Variants in CDH18 observed in about 807,000 individuals in gnomAD.
CDH18 encodes the protein cadherin-18.
A neutral mutation model predicts 67.9 loss-of-function variants in CDH18; 31 were observed. The ratio of observed to expected loss-of-function variants is 0.46; its 90% CI spans 0.34 to 0.62. The LOEUF (loss-of-function observed/expected upper bound fraction) is 0.62. Ranked by LOEUF, CDH18 falls within the 20% of genes least tolerant of loss-of-function variation. The pLI is 0.01. For missense variants in CDH18, 890 were observed against 975.5 expected, an observed-to-expected ratio of 0.91 and a Z score of 1.17; for synonymous variants, 362 against 347.2, an observed-to-expected ratio of 1.04 and a Z score of -0.48.
intron 5 of CDH18, among the ~76,000 whole-genome samples, chr5:19,633,407 A>G (rs1378240963): frequency 6.6e-6 from 1 of 152,210 alleles, no homozygotes; most frequent in African/African-American, 2.4e-5. Flanking sequence ...CAGAATACAA[A>G]TAAGTACAGA....
chr5:20,368,899 A>G (rs1742741020), intron 1 of CDH18, among the ~76,000 whole-genome samples: 1 of 152,154 alleles, frequency 6.6e-6, no homozygotes, highest in Admixed American at 6.5e-5. Context: ...ATGATGTTCT[A>G]CGTTCTCCTG....
chr5:20,146,881 C>G (rs911693968), intron 2 of CDH18, among the ~76,000 whole-genome samples: 7 of 151,990 alleles, frequency 4.6e-5, no homozygotes, highest in African/African-American at 1.7e-4. Context: ...GACAGACTCT[C>G]ATTTCTACAT....
chr5:19,501,883 G>T (rs1743313566), intron 11 of CDH18, among the ~76,000 whole-genome samples: 1 of 152,092 alleles, frequency 6.6e-6, no homozygotes, highest in Non-Finnish European at 1.5e-5. Flanking sequence ...AAGACAGCCT[G>T]TTCTAATGTA....
chr5:19,697,531 CAA>C (rs773535577), intron 5 of CDH18, among the ~76,000 whole-genome samples: 6 of 151,986 alleles, frequency 3.9e-5, no homozygotes, highest in Admixed American at 1.3e-4. Flanking sequence ...TTATTTTATG[CAA>C]AGTTTACACA....
chr5:19,844,102 G>A (rs916863848), intron 2 of CDH18, among the ~76,000 whole-genome samples: 1 of 152,158 alleles, frequency 6.6e-6, no homozygotes, highest in African/African-American at 2.4e-5. Flanking sequence ...TTGGACATTT[G>A]AGTTAATTCT....
rs546385775 is a variant in CDH18 at position 20,337,033 on chromosome 5, C to T, written c.-579-81528G>A. Among the ~76,000 whole-genome samples, 7 of 152,298 alleles carry T rather than the reference C, an allele frequency of 4.6e-5. No individual in the cohort carries two copies. In the South Asian group the frequency reaches 6.2e-4, roughly 14 times the overall value. ...CCATTTGGGCAAAGCCCATAGAAGA[C>T]TTCCTGGCTTCTGCCACATAAAAGA... On this transcript the variant is annotated intron_variant, in intron 1 of 14. Transcript: ENST00000507958.
intron 1 of CDH18, among the ~76,000 whole-genome samples, chr5:20,498,655 C>T (rs2126425022): frequency 6.6e-6 from 1 of 152,112 alleles, no homozygotes; most frequent in African/African-American, 2.4e-5. Context: ...ACATATTTCA[C>T]TTTAATTTCT....
chr5:20,542,111 A>G (rs1757081516), intron 1 of CDH18, among the ~76,000 whole-genome samples: 1 of 152,038 alleles, frequency 6.6e-6, no homozygotes, highest in Admixed American at 6.6e-5. Flanking sequence ...ACGCCTAGCT[A>G]ATTTTTGTAT....
intron 2 of CDH18, among the ~76,000 whole-genome samples, chr5:19,877,692 T>C (rs2150045350): frequency 6.6e-6 from 1 of 152,248 alleles, no homozygotes; most frequent in East Asian, 1.9e-4. Context: ...AACAAGTAGA[T>C]AGAATTATGT....
chr5:20,213,713 T>A (rs1446719686), intron 2 of CDH18, among the ~76,000 whole-genome samples: 2 of 152,252 alleles, frequency 1.3e-5, no homozygotes, highest in African/African-American at 2.4e-5. Flanking sequence ...TTATTTGTAC[T>A]TCTGTGGGGT....
At chr5:19,805,697 T>G (rs572242489) in intron 3 of CDH18, among the ~76,000 whole-genome samples, 2 of 152,264 alleles carry the variant, frequency 1.3e-5, no homozygotes, top group East Asian at 3.9e-4. Flanking sequence ...CACCTTCAAA[T>G]AGTCCTGCAG....
At chr5:19,636,435 C>T (rs1051555723) in intron 5 of CDH18, among the ~76,000 whole-genome samples, 1 of 151,802 alleles carries the variant, frequency 6.6e-6, no homozygotes, top group Non-Finnish European at 1.5e-5. Context: ...AATCTTGTGG[C>T]TAAAATGTTG....
chr5:20,413,741 A>C lies in CDH18; in HGVS notation c.-579-158236T>G, dbSNP rs180805039. Among the ~76,000 whole-genome samples, 1,020 of 151,964 alleles carry C rather than the reference A, an allele frequency of 6.7e-3. 13 individuals carry two copies. The highest frequency in any genetic ancestry group is 0.023 in the African/African-American group (971 of 41,438). On this transcript the variant is annotated intron_variant, in intron 1 of 14. Coordinates refer to the CDH18 transcript ENST00000507958. The stretch of plus-strand genomic sequence containing the variant: ...TTTGTCAGATGGGTAGAGTGCAAAA[A>C]TTTTCTCCCATTCTGTAGGTTGCCT...
At chr5:19,760,913 C>T (rs1396703106) in intron 3 of CDH18, among the ~76,000 whole-genome samples, 1 of 152,150 alleles carries the variant, frequency 6.6e-6, no homozygotes, top group Non-Finnish European at 1.5e-5. Context: ...AGGCTGACAG[C>T]AGCATGGGTT....
At position 19,661,040 on chromosome 5, in the gene CDH18, CCAAT is replaced by C. The variant is rs1264232914; in HGVS notation, c.644-48443_644-48440del. ...CAGTGGGAAGACAAAAACCAACCAA[CCAAT>C]CAAAGAAAGAAAAAAACAAAAGACA... On this transcript the variant is annotated intron_variant, in intron 5 of 12. Transcript: ENST00000382275. Among the ~76,000 whole-genome samples the C allele has an allele frequency of 2.5e-3, 378 of 151,394 alleles. 1 individual carries two copies. Among genetic ancestry groups the C allele is most frequent in the African/African-American group, 8.9e-3 (367 of 41,308 alleles).
chr5:20,123,748 T>G (rs371280368), intron 2 of CDH18, among the ~76,000 whole-genome samples: 2 of 151,484 alleles, frequency 1.3e-5, no homozygotes, highest in East Asian at 2.0e-4. Flanking sequence ...ATTAGCCGGG[T>G]GTGGTGGTGG....
intron 2 of CDH18, among the ~76,000 whole-genome samples, chr5:20,164,557 G>A (rs1465255401): frequency 1.3e-5 from 2 of 152,100 alleles, no homozygotes; most frequent in African/African-American, 4.8e-5. Flanking sequence ...TTACAGGTGT[G>A]AGCCATCGCA....
At chr5:20,542,613 C>T (rs1176326225) in intron 1 of CDH18, among the ~76,000 whole-genome samples, 3 of 151,688 alleles carry the variant, frequency 2.0e-5, no homozygotes, top group South Asian at 2.1e-4. Context: ...ATTTTTAATG[C>T]AACTAGATTT....
chr5:19,589,746 A>G (rs781423615), intron 7 of CDH18, among the ~76,000 whole-genome samples: 8 of 152,078 alleles, frequency 5.3e-5, no homozygotes, highest in Non-Finnish European at 1.2e-4. Context: ...CACTGACTGC[A>G]TTCCTCATTC....
Sources: allele counts gnomAD v4.1 joint callset (sites outside exome capture counted in the v4.1 genomes callset), GRCh38; gene constraint gnomAD v4.1.1; transcripts MANE v1.5; gene names NCBI Gene and HGNC (gene_info 2026-07-23, HGNC 2026-07-21).